The following GCNT1 variants were observed in gnomAD, a reference collection of about 807,000 sequenced individuals.
The protein encoded by GCNT1 is glucosaminyl (N-acetyl) transferase 1.
In GCNT1, 16 loss-of-function variants were observed where a neutral mutation model predicts 26.2. The observed-to-expected ratio is 0.61, with a 90% CI of 0.41 to 0.93. The LOEUF (loss-of-function observed/expected upper bound fraction) is 0.93, where lower values mean the gene tolerates loss of function less well. Among genes scored for constraint, GCNT1 ranks in the 40% least tolerant of loss-of-function variants. The pLI, the probability that GCNT1 is intolerant of heterozygous loss-of-function variation, is 0.00. For synonymous variants in GCNT1, 183 were observed against 190.8 expected, an observed-to-expected ratio of 0.96 and a Z score of 0.34; for missense variants, 477 against 526.7, an observed-to-expected ratio of 0.91 and a Z score of 0.92.
intron 1 of GCNT1, among the ~76,000 whole-genome samples, chr9:76,443,364 C>T (rs1448827890): frequency 1.3e-5 from 2 of 152,168 alleles, no homozygotes; most frequent in East Asian, 3.8e-4. Flanking sequence ...GCAAGCCAGT[C>T]ATTAGCATTG....
intron 2 of GCNT1, among the ~76,000 whole-genome samples, chr9:76,479,160 A>T (rs977180718): frequency 6.6e-6 from 1 of 152,170 alleles, no homozygotes; most frequent in African/African-American, 2.4e-5. Context: ...TTCCAGCTTC[A>T]TCCATGTCCC....
At chr9:76,485,062 C>T (rs1824535276) in intron 2 of GCNT1, among the ~76,000 whole-genome samples, 1 of 152,224 alleles carries the variant, frequency 6.6e-6, no homozygotes, top group African/African-American at 2.4e-5. Flanking sequence ...GCTGGGATTA[C>T]TGGCGTGAGC....
At chr9:76,402,331 A>T in the GCNT1 span, among the ~76,000 whole-genome samples, 1 of 152,242 alleles carries the variant, frequency 6.6e-6, no homozygotes, top group Non-Finnish European at 1.5e-5. Flanking sequence ...GTACTGTTGT[A>T]TCATATTAAA....
At chr9:76,415,121 C>T (rs1356971253), upstream of GCNT1, among the ~76,000 whole-genome samples, 1 of 151,966 alleles carries the variant, frequency 6.6e-6, no homozygotes, top group Admixed American at 6.6e-5. Flanking sequence ...TGCAGTGACA[C>T]GATCATGTCT....
chr9:76,478,343 A>T (rs140438485), intron 2 of GCNT1, among the ~76,000 whole-genome samples: 30 of 152,274 alleles, frequency 2.0e-4, no homozygotes, highest in African/African-American at 6.7e-4. Flanking sequence ...AACTCCGGGC[A>T]TGCCATCTTT....
intron 1 of GCNT1, among the ~76,000 whole-genome samples, chr9:76,448,801 T>C (rs1823617318): frequency 1.3e-5 from 2 of 152,212 alleles, no homozygotes; most frequent in African/African-American, 4.8e-5. Flanking sequence ...TCAATTTTGC[T>C]TTCTTAAATG....
chr9:76,415,057 G>A (rs1164305538), upstream of GCNT1, among the ~76,000 whole-genome samples: 1 of 152,028 alleles, frequency 6.6e-6, no homozygotes, highest in East Asian at 1.9e-4. Context: ...CCCTTTAGCT[G>A]TGAACTTTTT....
chr9:76,447,601 GA>G (rs1271377295), intron 1 of GCNT1, among the ~76,000 whole-genome samples: 1 of 152,034 alleles, frequency 6.6e-6, no homozygotes, highest in Non-Finnish European at 1.5e-5. Flanking sequence ...CACTAGGACT[GA>G]TTTTCACCCT....
At chr9:76,470,879 G>A (rs1266452286) in intron 2 of GCNT1, among the ~76,000 whole-genome samples, 1 of 152,124 alleles carries the variant, frequency 6.6e-6, no homozygotes, top group Non-Finnish European at 1.5e-5. Context: ...ATCAGCAGCT[G>A]GATCCAGGAA....
intron 2 of GCNT1, among the ~76,000 whole-genome samples, chr9:76,488,121 T>A (rs1824630835): frequency 6.6e-6 from 1 of 152,200 alleles, no homozygotes; most frequent in African/African-American, 2.4e-5. Flanking sequence ...GTGGCTTAGT[T>A]TCCCCCCTCC....
At chr9:76,449,625 G>A (rs949337769) in intron 1 of GCNT1, among the ~76,000 whole-genome samples, 1 of 152,088 alleles carries the variant, frequency 6.6e-6, no homozygotes, top group African/African-American at 2.4e-5. Context: ...CCAGAGAAGC[G>A]CAGCCTCTCC....
chr9:76,479,448 A>G (rs1321811563), intron 2 of GCNT1, among the ~76,000 whole-genome samples: 1 of 152,202 alleles, frequency 6.6e-6, no homozygotes, highest in Non-Finnish European at 1.5e-5. Flanking sequence ...TGTCTTCCAC[A>G]ATGGTTGAAC....
the GCNT1 span, among the ~76,000 whole-genome samples, chr9:76,413,668 G>GTTTTTTTTTTTTTTTTTTGTTT: frequency 2.4e-5 from 2 of 84,212 alleles, no homozygotes; most frequent in Non-Finnish European, 5.1e-5. Flanking sequence ...TTTTTTTTTT[G>GTTTTTTTTTTTTTTTTTTGTTT]TTTTTTTTTT....
At chr9:76,411,456 A>G in the GCNT1 span, among the ~76,000 whole-genome samples, 48 of 151,124 alleles carry the variant, frequency 3.2e-4, 1 homozygote, top group South Asian at 0.01. Context: ...AGCCTTCCAC[A>G]TAGCTGAAAC....
chr9:76,496,945 C>T (rs1564246096), intron 2 of GCNT1, among the ~76,000 whole-genome samples: 1 of 152,104 alleles, frequency 6.6e-6, no homozygotes, highest in African/African-American at 2.4e-5. Flanking sequence ...TCAGGACATG[C>T]CCCAGGTCAG....
the GCNT1 span, among the ~76,000 whole-genome samples, chr9:76,405,924 G>T: frequency 3.3e-5 from 5 of 152,150 alleles, no homozygotes; most frequent in African/African-American, 1.2e-4. Flanking sequence ...ACAATTGCTG[G>T]ATCATGTGGT....
chr9:76,407,827 G>A, the GCNT1 span, among the ~76,000 whole-genome samples: 3 of 152,240 alleles, frequency 2.0e-5, no homozygotes, highest in South Asian at 2.1e-4. Flanking sequence ...TATAGATCTT[G>A]TACATATTTT....
the GCNT1 span, among the ~76,000 whole-genome samples, chr9:76,408,657 G>C: frequency 2.0e-5 from 3 of 152,022 alleles, no homozygotes; most frequent in African/African-American, 7.2e-5. Flanking sequence ...GAATGAGTTA[G>C]AAACCACTTC....
chr9:76,481,369 GA>G (rs922340574), intron 2 of GCNT1, among the ~76,000 whole-genome samples: 4 of 151,122 alleles, frequency 2.6e-5, no homozygotes, highest in Admixed American at 2.6e-4. Context: ...AATTCTGCCT[GA>G]TATACATTTG....
Sources: gnomAD v4.1 joint callset for allele counts (sites outside exome capture counted in the v4.1 genomes callset) on GRCh38, gnomAD v4.1.1 for gene constraint, MANE v1.5 for transcripts, NCBI Gene and HGNC (gene_info 2026-07-23, HGNC 2026-07-21) for gene names.